Variants in IRAK4 observed in about 807,000 individuals in gnomAD.
IRAK4 encodes interleukin 1 receptor associated kinase 4.
IRAK4 carries 44 observed loss-of-function variants against 51.8 expected under a neutral mutation model. That is an observed-to-expected ratio of 0.85 (90% CI 0.67 to 1.09). The LOEUF (loss-of-function observed/expected upper bound fraction) is 1.09, where lower values mean the gene tolerates loss of function less well. Among genes scored for constraint, IRAK4 ranks in the 50% least tolerant of loss-of-function variants. The probability of loss-of-function intolerance (pLI) is 0.00; values close to 1 mark genes in which losing one functional copy is unlikely to be tolerated. For missense variants in IRAK4, 487 were observed against 538.0 expected (o/e 0.91, Z 0.94); for synonymous variants, 149 against 174.1 (o/e 0.86, Z 1.13).
intron 1 of IRAK4, among the ~76,000 whole-genome samples, chr12:43,759,761 C>T (rs1214192443): frequency 6.6e-6 from 1 of 150,606 alleles, no homozygotes; most frequent in South Asian, 2.1e-4. Context: ...CCAGCTACTC[C>T]GGGGGCTGAG....
chr12:43,779,438 G>C (rs1271431708), intron 8 of IRAK4, among the ~76,000 whole-genome samples: 4 of 152,076 alleles, frequency 2.6e-5, no homozygotes, highest in African/African-American at 4.8e-5. Flanking sequence ...TTTTAAGTAG[G>C]AATATGGCAT....
chr12:43,777,263 C>T (rs891164587), intron 6 of IRAK4, among the ~76,000 whole-genome samples: 1 of 152,178 alleles, frequency 6.6e-6, no homozygotes, highest in Non-Finnish European at 1.5e-5. Flanking sequence ...GTGGTGTACA[C>T]CAGTAGTCCA....
chr12:43,779,833 T>C (rs563568860), intron 8 of IRAK4, among the ~76,000 whole-genome samples: 34 of 152,328 alleles, frequency 2.2e-4, no homozygotes, highest in Non-Finnish European at 2.1e-4. Flanking sequence ...CAGTGTGATA[T>C]ACAGATTTGG....
intron 2 of IRAK4, 40 bp from the exon 3 acceptor site, chr12:43,771,180 A>T (rs1940718622): frequency 6.5e-7 from 1 of 1,540,056 alleles, no homozygotes; most frequent in Admixed American, 1.7e-5. Context: ...ATGGACTAAG[A>T]CAATAGACTA....
intron 10 of IRAK4, among the ~76,000 whole-genome samples, chr12:43,785,895 T>G (rs1055740321): frequency 2.6e-5 from 4 of 152,044 alleles, no homozygotes; most frequent in African/African-American, 9.7e-5. Context: ...TATGTAAACA[T>G]AAAAGAGGTA....
chr12:43,767,068 T>C (rs146797541), intron 1 of IRAK4, among the ~76,000 whole-genome samples: 68 of 152,334 alleles, frequency 4.5e-4, no homozygotes, highest in African/African-American at 1.6e-3. Flanking sequence ...TTGATAGTTT[T>C]AGAATGTTGT....
At chr12:43,778,404 G>A in intron 8 of IRAK4, 102 bp downstream of exon 8, 2 of 718,722 alleles carry the variant, frequency 2.8e-6, no homozygotes, top group Non-Finnish European at 5.1e-6. Context: ...TAGAGCATCT[G>A]GACTTTTTTC....
chr12:43,780,719 C>T (rs1941706846), intron 8 of IRAK4, among the ~76,000 whole-genome samples: 2 of 151,904 alleles, frequency 1.3e-5, no homozygotes, highest in African/African-American at 4.8e-5. Context: ...TTACAGGCAT[C>T]CACCACCACG....
intron 5 of IRAK4, among the ~76,000 whole-genome samples, chr12:43,773,343 G>C (rs1940970863): frequency 6.6e-6 from 1 of 152,110 alleles, no homozygotes; most frequent in Non-Finnish European, 1.5e-5. Context: ...GCTCCACATA[G>C]TGCTTCATGT....
chr12:43,777,431 C>G (rs1246432371), intron 6 of IRAK4, among the ~76,000 whole-genome samples, 199 bp from the exon 7 acceptor site: 1 of 152,130 alleles, frequency 6.6e-6, no homozygotes, highest in Non-Finnish European at 1.5e-5. Flanking sequence ...TTGATTAATA[C>G]TGGCTGAAAA....
Position 43,772,367 on chromosome 12 carries a change from G to GT in IRAK4, c.490+6dup. 6.2e-7 allele frequency: 1 copy of GT among 1,609,232 alleles called. No homozygotes were observed. Among genetic ancestry groups the GT allele is most frequent in the Non-Finnish European group, 8.5e-7 (1 of 1,178,474 alleles). Reference sequence around the variant, plus strand: ...GTTTAGAAGTTAGTGATACACGTAAGTAACATTTTCAGTGCTTTCCACTAG... The same window carrying GT: ...GTTTAGAAGTTAGTGATACACGTAAGTTAACATTTTCAGTGCTTTCCACTAG... On this transcript the variant is annotated splice_donor_region_variant and intron_variant, in intron 4 of 11. Transcript: ENST00000613694.
intron 10 of IRAK4, among the ~76,000 whole-genome samples, chr12:43,784,129 A>G (rs1409120014): frequency 2.0e-5 from 3 of 152,220 alleles, no homozygotes; most frequent in African/African-American, 7.2e-5. Context: ...AGTAAAAGTT[A>G]TCACTTATTT....
At chr12:43,778,027 G>C (rs905236041) in intron 7 of IRAK4, among the ~76,000 whole-genome samples, 166 bp from the exon 8 acceptor site, 1 of 151,912 alleles carries the variant, frequency 6.6e-6, no homozygotes, top group African/African-American at 2.4e-5. Flanking sequence ...ACACCCATTT[G>C]AGCTTATTTA....
Position 43,786,673 on chromosome 12 carries a change from T to G in IRAK4, c.1348-7T>G, listed in dbSNP as rs780689021. ...GGTTCTTTTGTTTTTTTCTTTCTTT[T>G]TAAAAGGTTCAACAGCTGCTGCAAG... On this transcript the variant is annotated splice_region_variant and splice_polypyrimidine_tract_variant and intron_variant, in intron 11 of 11. Coordinates refer to ENST00000613694, the MANE Select transcript of IRAK4 (RefSeq NM_016123.4). 2 of 1,613,202 alleles carry G rather than the reference T, an allele frequency of 1.2e-6. No individual in the cohort carries two copies. The highest frequency in any genetic ancestry group is 1.7e-6 in the Non-Finnish European group (2 of 1,179,628).
chr12:43,779,691 T>G (rs937861702), intron 8 of IRAK4, among the ~76,000 whole-genome samples: 3 of 152,188 alleles, frequency 2.0e-5, no homozygotes, highest in Non-Finnish European at 4.4e-5. Context: ...TATGGCATGA[T>G]TCACTTATGT....
In IRAK4 at chr12:43,772,964, T is replaced by G. The variant is rs1219370561; in HGVS notation, c.543T>G (p.Asp181Glu). The change falls in exon 5 of 12, where the codon GAT becomes GAG. Residue 181 changes from aspartate (D) to glutamate (E), a missense_variant. Asp to Glu is a conservative substitution (Grantham distance 45). Coordinates refer to ENST00000613694, the MANE Select transcript of IRAK4 (RefSeq NM_016123.4). ...YELKNVTNNF[D>E]ERPISVGGNK... ...TGAAGAATGTCACAAATAACTTTGA[T>G]GAACGACCCATTTCTGTTGGTGGTA... The G allele has an allele frequency of 6.2e-7, 1 of 1,611,486 alleles. No individual in the cohort carries two copies. The highest frequency in any genetic ancestry group is 2.2e-5 in the East Asian group (1 of 44,790).
chr12:43,781,329 G>A (rs1237343698), intron 8 of IRAK4, among the ~76,000 whole-genome samples: 1 of 152,096 alleles, frequency 6.6e-6, no homozygotes, highest in Non-Finnish European at 1.5e-5. Flanking sequence ...CTAGGTCATG[G>A]TCCTAAAAGT....
At position 43,777,736 on chromosome 12, in the gene IRAK4, T is replaced by A. The variant is rs1341844831; in HGVS notation, c.823T>A (p.Ser275Thr). 6 of 1,609,206 alleles carry A rather than the reference T, an allele frequency of 3.7e-6. No individual in the cohort carries two copies. Among genetic ancestry groups the A allele is most frequent in the Non-Finnish European group, 4.3e-6 (5 of 1,175,882 alleles). Residue 275 changes from serine (S) to threonine (T), a missense_variant, in exon 7 of 12, where the codon TCT becomes ACT. Coordinates refer to ENST00000613694, the MANE Select transcript of IRAK4 (RefSeq NM_016123.4). ...MPNGSLLDRL[S>T]CLDGTPPLSW... ...TAATGGTTCATTGCTAGACAGACTCTCTTGCTTGGTAAGCTATTTGTTCAT... is the reference window on the plus strand; with the variant it reads ...TAATGGTTCATTGCTAGACAGACTCACTTGCTTGGTAAGCTATTTGTTCAT...
chr12:43,779,270 A>AT (rs1001841851), intron 8 of IRAK4, among the ~76,000 whole-genome samples: 4 of 152,158 alleles, frequency 2.6e-5, no homozygotes, highest in Admixed American at 2.0e-4. Context: ...CTAAAAAAAA[A>AT]TGAAGTAAAT....
Sources: allele counts gnomAD v4.1 joint callset (sites outside exome capture counted in the v4.1 genomes callset), GRCh38; gene constraint gnomAD v4.1.1; transcripts MANE v1.5; gene names NCBI Gene and HGNC (gene_info 2026-07-23, HGNC 2026-07-21).